CHCHD6: variants seen among roughly 807,000 people sequenced by gnomAD.
The protein encoded by CHCHD6 is MICOS complex subunit MIC25.
In CHCHD6, 28 loss-of-function variants were observed where a neutral mutation model predicts 32.3. The observed-to-expected ratio is 0.87, with a 90% confidence interval of 0.64 to 1.19. The LOEUF (loss-of-function observed/expected upper bound fraction) is 1.19, where lower values mean the gene tolerates loss of function less well. Among genes scored for constraint, CHCHD6 ranks in the 50% most tolerant of loss-of-function variants. CHCHD6 has a pLI of 0.00. For synonymous variants in CHCHD6, 122 were observed against 117.5 expected, an observed-to-expected ratio of 1.04 and a Z score of -0.25; for missense variants, 333 against 307.0, an observed-to-expected ratio of 1.08 and a Z score of -0.63.
intron 1 of CHCHD6, among the ~76,000 whole-genome samples, chr3:126,709,403 CT>C: frequency 6.6e-6 from 1 of 152,264 alleles, no homozygotes; most frequent in Non-Finnish European, 1.5e-5. Context: ...ATTTTTTCTA[CT>C]TCTTGGTTAT....
At chr3:126,824,127 G>A (rs1940275560) in intron 4 of CHCHD6, among the ~76,000 whole-genome samples, 1 of 152,108 alleles carries the variant, frequency 6.6e-6, no homozygotes, top group African/African-American at 2.4e-5. Context: ...TCTCTTAATT[G>A]TGGACATAAG....
At chr3:126,776,322 T>C (rs1309166670) in intron 4 of CHCHD6, among the ~76,000 whole-genome samples, 7 of 152,240 alleles carry the variant, frequency 4.6e-5, no homozygotes, top group African/African-American at 7.2e-5. Context: ...GTTGTATATA[T>C]GTACTTCACA....
chr3:126,873,624 C>T lies in CHCHD6; in HGVS notation c.495+20894C>T, dbSNP rs1013753718. On this transcript the variant is annotated intron_variant, in intron 5 of 7. Coordinates refer to ENST00000290913, the MANE Select transcript of CHCHD6 (RefSeq NM_032343.3). ...GCCGTGATAAGAACTTCTGCAGCTT[C>T]TGTGGCCTCTGCAGCACCTGCTAGG... 2.0e-5 allele frequency among the ~76,000 whole-genome samples: 3 copies of T among 152,366 alleles called. 1 individual carries two copies.
chr3:126,896,178 A>G (rs2077835845), intron 5 of CHCHD6, among the ~76,000 whole-genome samples: 1 of 152,220 alleles, frequency 6.6e-6, no homozygotes, highest in South Asian at 2.1e-4. Context: ...AATAGCATGG[A>G]AAAGTCAAGT....
At position 126,842,167 on chromosome 3, in the gene CHCHD6, T is replaced by G. The variant is rs1026671987; in HGVS notation, c.412-10480T>G. On this transcript the variant is annotated intron_variant, in intron 4 of 7. Coordinates refer to ENST00000290913, the MANE Select transcript of CHCHD6 (RefSeq NM_032343.3). ...TACTCCGGAGGCTGAGGTGGAAGTATCACTTAAGCCCAGGAGATCAAGGTC... is the reference window on the plus strand; with the variant it reads ...TACTCCGGAGGCTGAGGTGGAAGTAGCACTTAAGCCCAGGAGATCAAGGTC... 2.0e-5 allele frequency among the ~76,000 whole-genome samples: 3 copies of G among 152,298 alleles called. 1 individual carries two copies.
chr3:126,819,791 G>A lies in CHCHD6; in HGVS notation c.412-32856G>A, dbSNP rs372882769. On this transcript the variant is annotated intron_variant, in intron 4 of 7. Coordinates refer to ENST00000290913, the MANE Select transcript of CHCHD6 (RefSeq NM_032343.3). ...CTACAAGCCCTGGAGTCACTGTGGC[G>A]TAGAGAACATGGAAAGGCAGCATGC... Among the ~76,000 whole-genome samples, 95 of 152,350 alleles carry A rather than the reference G, an allele frequency of 6.2e-4. 1 individual carries two copies. The South Asian group carries it at 0.015, about 25-fold the overall frequency.
At chr3:126,822,418 G>C (rs1253770309) in intron 4 of CHCHD6, among the ~76,000 whole-genome samples, 1 of 152,186 alleles carries the variant, frequency 6.6e-6, no homozygotes, top group African/African-American at 2.4e-5. Context: ...CAGAATTCCA[G>C]TCCATGTATC....
At chr3:126,923,266 G>A (rs1346013010) in intron 6 of CHCHD6, among the ~76,000 whole-genome samples, 1 of 152,184 alleles carries the variant, frequency 6.6e-6, no homozygotes, top group Non-Finnish European at 1.5e-5. Flanking sequence ...GTCTTTTTAT[G>A]TCCTACTTTC....
At chr3:126,936,065 G>C (rs1276876514) in intron 6 of CHCHD6, among the ~76,000 whole-genome samples, 1 of 152,176 alleles carries the variant, frequency 6.6e-6, no homozygotes, top group African/African-American at 2.4e-5. Context: ...GATTATACAG[G>C]GCATCCCCAA....
chr3:126,791,033 C>T lies in CHCHD6; in HGVS notation c.411+57811C>T, dbSNP rs1023025607. Reference sequence around the variant, plus strand: ...ATGTCCTTTCTGTTTGTTAGTTTCCCTTCTAACAGTCAGGGTCCTCAGCTG... The same window carrying T: ...ATGTCCTTTCTGTTTGTTAGTTTCCTTTCTAACAGTCAGGGTCCTCAGCTG... On this transcript the variant is annotated intron_variant, in intron 4 of 7. Transcript: ENST00000290913. Among the ~76,000 whole-genome samples the T allele has an allele frequency of 9.2e-5, 14 of 152,158 alleles. 1 individual carries two copies. Among genetic ancestry groups the T allele is most frequent in the Admixed American group, 9.2e-4 (14 of 15,284 alleles).
intron 6 of CHCHD6, among the ~76,000 whole-genome samples, chr3:126,951,066 C>G (rs1051540966): frequency 3.3e-5 from 5 of 152,166 alleles, no homozygotes; most frequent in Non-Finnish European, 5.9e-5. Flanking sequence ...CCCCACGTGT[C>G]AAGGAAGGAA....
intron 4 of CHCHD6, among the ~76,000 whole-genome samples, chr3:126,791,525 G>A (rs1559846190): frequency 6.6e-6 from 1 of 152,268 alleles, no homozygotes; most frequent in Non-Finnish European, 1.5e-5. Context: ...AGCAATGGCG[G>A]GCGCCCCTCC....
At position 126,943,218 on chromosome 3, in the gene CHCHD6, C is replaced by A. The variant is rs1027322229; in HGVS notation, c.567-14198C>A. 2.6e-5 allele frequency among the ~76,000 whole-genome samples: 4 copies of A among 152,308 alleles called. No homozygotes were observed. In the South Asian group the frequency reaches 8.3e-4, roughly 32 times the overall value. On this transcript the variant is annotated intron_variant, in intron 6 of 7. Transcript: ENST00000290913. ...TCCTAATGACGCCCCCCACTACCAC[C>A]CCACTCCCTGTGACTTCTGCTGGGA...
rs962605037 is a variant in CHCHD6, at chr3:126,834,943, C to G, written c.412-17704C>G. On this transcript the variant is annotated intron_variant, in intron 4 of 7. Transcript: ENST00000290913. Reference sequence around the variant, plus strand: ...GCCAGAAGCACAGGCCCTGGAAGCCCTGGTGTGTCTGGAGGAATAAGAGCT... The same window carrying G: ...GCCAGAAGCACAGGCCCTGGAAGCCGTGGTGTGTCTGGAGGAATAAGAGCT... Among the ~76,000 whole-genome samples, 5 of 152,262 alleles carry G rather than the reference C, an allele frequency of 3.3e-5. 1 individual carries two copies. In the Middle Eastern group the frequency reaches 0.014, roughly 414 times the overall value.
At chr3:126,732,962 G>A (rs2272488) in intron 3 of CHCHD6, 116 bp from the exon 4 acceptor site, 214,023 of 1,137,602 alleles carry the variant, frequency 0.19, 22,388 homozygotes, top group South Asian at 0.35. Context: ...CTGACCAGCC[G>A]CTGGCTGGTT....
intron 5 of CHCHD6, among the ~76,000 whole-genome samples, chr3:126,870,403 G>A (rs997127072): frequency 2.0e-5 from 3 of 151,534 alleles, no homozygotes; most frequent in South Asian, 2.1e-4. Flanking sequence ...TGGAGGTCGG[G>A]GAGCTAAGGG....
At chr3:126,767,420 G>C in intron 4 of CHCHD6, 1 of 726,868 alleles carries the variant, frequency 1.4e-6, no homozygotes, top group Non-Finnish European at 2.6e-6. Context: ...TACTCTCTTG[G>C]TGTCACCATG....
At chr3:126,769,659 C>A (rs1559833059) in intron 4 of CHCHD6, among the ~76,000 whole-genome samples, 1 of 152,202 alleles carries the variant, frequency 6.6e-6, no homozygotes, top group South Asian at 2.1e-4. Context: ...TGTGCCACCA[C>A]TCCTGGCTAA....
chr3:126,825,335 A>G lies in CHCHD6; in HGVS notation c.412-27312A>G, dbSNP rs998172932. 5.9e-5 allele frequency among the ~76,000 whole-genome samples: 9 copies of G among 152,162 alleles called. No homozygotes were observed. In the East Asian group the frequency reaches 1.7e-3, roughly 29 times the overall value. On this transcript the variant is annotated intron_variant, in intron 4 of 7. Coordinates refer to ENST00000290913, the MANE Select transcript of CHCHD6 (RefSeq NM_032343.3). ...TGTATTTTATCATAAGGCCTTGTAT[A>G]TGCTCTGTTCTGGAAAATGTTCCAT...
Sources: gnomAD v4.1 joint callset for allele counts (sites outside exome capture counted in the v4.1 genomes callset) on GRCh38, gnomAD v4.1.1 for gene constraint, MANE v1.5 for transcripts, NCBI Gene and HGNC (gene_info 2026-07-23, HGNC 2026-07-21) for gene names.